The following ANGPT1 variants were observed in gnomAD, a reference collection of about 807,000 sequenced individuals.
ANGPT1 encodes the protein angiopoietin-1.
In ANGPT1, 17 loss-of-function variants were observed where a neutral mutation model predicts 62.2. The ratio of observed to expected loss-of-function variants is 0.27; its 90% CI spans 0.19 to 0.41. ANGPT1 has a LOEUF of 0.41. ANGPT1 is among the 10% of genes least tolerant of loss of function. The probability of loss-of-function intolerance (pLI) is 1.00; values close to 1 mark genes in which losing one functional copy is unlikely to be tolerated. For missense variants in ANGPT1, 478 were observed against 594.9 expected, an observed-to-expected ratio of 0.80 and a Z score of 2.04; for synonymous variants, 199 against 198.9, an observed-to-expected ratio of 1.00 and a Z score of 0.00.
rs191951446 is a variant in ANGPT1, at chr8:107,324,030, C to T, written c.576-1902G>A. 7.2e-3 allele frequency among the ~76,000 whole-genome samples: 1,097 copies of T among 151,702 alleles called. 16 individuals are homozygous for T. The highest frequency in any genetic ancestry group is 0.025 in the African/African-American group (1,033 of 41,338). ...TCCTGACCTTGTGATCTGCCCGCCT[C>T]GGCCTCCCAAAGTGCTGGGATTACA... is the stretch of plus-strand genomic sequence containing the variant. On this transcript the variant is annotated intron_variant, in intron 3 of 8. Coordinates refer to ENST00000517746, the MANE Select transcript of ANGPT1 (RefSeq NM_001146.5).
At chr8:107,308,692 G>A (rs967622615) in intron 4 of ANGPT1, among the ~76,000 whole-genome samples, 3 of 152,228 alleles carry the variant, frequency 2.0e-5, no homozygotes, top group Non-Finnish European at 2.9e-5. Context: ...ACCAATATCA[G>A]CAAATAAATC....
At chr8:107,346,863 G>T (rs1815814769) in intron 2 of ANGPT1, 79 bp downstream of exon 2, 1 of 1,299,256 alleles carries the variant, frequency 7.7e-7, no homozygotes, top group South Asian at 1.7e-5. Flanking sequence ...GCTGAAATGT[G>T]CTCTGTGTTT....
intron 8 of ANGPT1, among the ~76,000 whole-genome samples, chr8:107,258,611 C>T (rs1813423548): frequency 6.6e-6 from 1 of 151,992 alleles, no homozygotes; most frequent in South Asian, 2.1e-4. Flanking sequence ...TGCTCTTTTT[C>T]TAAGAAATGA....
At chr8:107,313,702 C>T (rs1021523388) in intron 4 of ANGPT1, among the ~76,000 whole-genome samples, 1 of 151,930 alleles carries the variant, frequency 6.6e-6, no homozygotes, top group African/African-American at 2.4e-5. Flanking sequence ...CTCGGCCTCC[C>T]AAAGTGCTGG....
chr8:107,406,352 C>G (rs2130344354), intron 1 of ANGPT1, among the ~76,000 whole-genome samples: 1 of 151,732 alleles, frequency 6.6e-6, no homozygotes, highest in South Asian at 2.1e-4. Flanking sequence ...ACACAAGGTA[C>G]AGATTTAACA....
rs76798394 is a variant in ANGPT1 at position 107,414,939 on chromosome 8, G to C, written c.298-67842C>G. Among the ~76,000 whole-genome samples the C allele has an allele frequency of 5.9e-5, 9 of 152,246 alleles. No individual in the cohort carries two copies. In the East Asian group the frequency reaches 1.7e-3, roughly 29 times the overall value. On this transcript the variant is annotated intron_variant, in intron 1 of 8. Transcript: ENST00000517746. The stretch of plus-strand genomic sequence containing the variant: ...TTTTGTCAAACTGGTTACAATATTA[G>C]TATTAAAAAATGGCTTTGAACACAC...
At chr8:107,383,460 G>A (rs1816676801) in intron 1 of ANGPT1, among the ~76,000 whole-genome samples, 2 of 152,130 alleles carry the variant, frequency 1.3e-5, no homozygotes, top group African/African-American at 4.8e-5. Flanking sequence ...TGTTCTTCTT[G>A]CACCGAATTC....
At chr8:107,441,690 G>A (rs1047444402) in intron 1 of ANGPT1, among the ~76,000 whole-genome samples, 1 of 152,082 alleles carries the variant, frequency 6.6e-6, no homozygotes, top group Admixed American at 6.6e-5. Context: ...AATAACCTCC[G>A]AGTCCTTTGT....
At chr8:107,406,890 A>AG (rs1817160020) in intron 1 of ANGPT1, among the ~76,000 whole-genome samples, 1 of 149,922 alleles carries the variant, frequency 6.7e-6, no homozygotes, top group African/African-American at 2.4e-5. Flanking sequence ...ATCCTCAAAA[A>AG]AAAAAAAAAG....
chr8:107,278,058 T>C (rs1281814240), intron 7 of ANGPT1, among the ~76,000 whole-genome samples: 2 of 151,830 alleles, frequency 1.3e-5, no homozygotes, highest in Non-Finnish European at 2.9e-5. Context: ...ATTTAAAAAG[T>C]CTGTTTGCTC....
chr8:107,360,993 G>T (rs1816149817), intron 1 of ANGPT1, among the ~76,000 whole-genome samples: 1 of 152,070 alleles, frequency 6.6e-6, no homozygotes, highest in Admixed American at 6.6e-5. Context: ...AATTATCTTT[G>T]CTGAAAAGCA....
At chr8:107,390,989 C>T (rs1449286397) in intron 1 of ANGPT1, among the ~76,000 whole-genome samples, 1 of 152,130 alleles carries the variant, frequency 6.6e-6, no homozygotes, top group Non-Finnish European at 1.5e-5. Context: ...AGCCTTGTGA[C>T]TCAGAGTCCC....
At chr8:107,367,914 C>G (rs1356028394) in intron 1 of ANGPT1, among the ~76,000 whole-genome samples, 1 of 152,178 alleles carries the variant, frequency 6.6e-6, no homozygotes, top group Non-Finnish European at 1.5e-5. Context: ...AAGTCTTGAA[C>G]CCCTTAAAAT....
intron 1 of ANGPT1, among the ~76,000 whole-genome samples, chr8:107,453,307 G>C (rs1488003315): frequency 1.3e-5 from 2 of 152,004 alleles, no homozygotes; most frequent in Non-Finnish European, 2.9e-5. Context: ...ATATTAGTCT[G>C]TTTTCATGCT....
chr8:107,347,391 A>C (rs1445148342), intron 1 of ANGPT1, among the ~76,000 whole-genome samples: 1 of 151,940 alleles, frequency 6.6e-6, no homozygotes, highest in South Asian at 2.1e-4. Flanking sequence ...TATAGCAAAG[A>C]TGTATCACAG....
intron 1 of ANGPT1, among the ~76,000 whole-genome samples, chr8:107,484,602 G>C (rs946182468): frequency 6.6e-6 from 1 of 152,010 alleles, no homozygotes; most frequent in African/African-American, 2.4e-5. Context: ...TAGAGACAGG[G>C]TTTCACCATG....
intron 1 of ANGPT1, among the ~76,000 whole-genome samples, chr8:107,401,304 G>A (rs375323005): frequency 4.7e-5 from 7 of 150,442 alleles, no homozygotes; most frequent in Non-Finnish European, 8.9e-5. Context: ...TTTCATTTCC[G>A]CTTCTTGTCA....
chr8:107,372,872 G>T (rs74880301), intron 1 of ANGPT1, among the ~76,000 whole-genome samples: 273 of 151,454 alleles, frequency 1.8e-3, no homozygotes, highest in African/African-American at 6.2e-3. Context: ...TAGAGTCTAC[G>T]CCAGGTATTC....
At chr8:107,328,736 C>A (rs940971332) in intron 3 of ANGPT1, among the ~76,000 whole-genome samples, 6 of 151,826 alleles carry the variant, frequency 4.0e-5, no homozygotes, top group Non-Finnish European at 1.5e-5. Context: ...CAAAAACATG[C>A]ACAACTTAAC....
Sources: gnomAD v4.1 joint callset for allele counts (sites outside exome capture counted in the v4.1 genomes callset) on GRCh38, gnomAD v4.1.1 for gene constraint, MANE v1.5 for transcripts, NCBI Gene and HGNC (gene_info 2026-07-23, HGNC 2026-07-21) for gene names.